Variants in SND1 observed in about 807,000 individuals in gnomAD.
SND1 encodes staphylococcal nuclease domain-containing protein 1.
SND1 carries 38 observed loss-of-function variants against 121.7 expected under a neutral mutation model. The ratio of observed to expected loss-of-function variants is 0.31; its 90% CI spans 0.24 to 0.41. The LOEUF is 0.41. Ranked by LOEUF, SND1 falls within the 10% of genes least tolerant of loss-of-function variation. SND1 has a pLI of 1.00. For missense variants in SND1, 868 were observed against 1,184.6 expected (o/e 0.73, Z 3.92); for synonymous variants, 401 against 447.4 (o/e 0.90, Z 1.31).
intron 1 of SND1, among the ~76,000 whole-genome samples, chr7:127,674,178 C>T (rs1189974222): frequency 6.6e-6 from 1 of 152,086 alleles, no homozygotes; most frequent in Non-Finnish European, 1.5e-5. Flanking sequence ...ACTTGCATTT[C>T]TGCATTCCGT....
chr7:127,779,242 A>T (rs1451199009), intron 10 of SND1, among the ~76,000 whole-genome samples: 1 of 152,164 alleles, frequency 6.6e-6, no homozygotes, highest in Non-Finnish European at 1.5e-5. Context: ...TGGTTGTTGG[A>T]GTCATTTAAA....
At chr7:127,691,215 T>TA (rs113347729) in intron 2 of SND1, among the ~76,000 whole-genome samples, 21 of 148,838 alleles carry the variant, frequency 1.4e-4, no homozygotes, top group Admixed American at 4.0e-4. Context: ...CCTATTGAAA[T>TA]AAAAAAAAAA....
chr7:127,762,729 T>C (rs778923387), intron 10 of SND1, among the ~76,000 whole-genome samples: 5 of 152,374 alleles, frequency 3.3e-5, no homozygotes, highest in Non-Finnish European at 5.9e-5. Flanking sequence ...CTGACTGTTA[T>C]GGGTCTCAGA....
At chr7:127,743,613 A>C (rs1796923831) in intron 10 of SND1, among the ~76,000 whole-genome samples, 1 of 152,144 alleles carries the variant, frequency 6.6e-6, no homozygotes, top group South Asian at 2.1e-4. Context: ...TGTGTTTTAA[A>C]GTGATTGGAT....
At chr7:127,711,023 T>C (rs1328857255) in intron 9 of SND1, among the ~76,000 whole-genome samples, 1 of 152,216 alleles carries the variant, frequency 6.6e-6, no homozygotes, top group Non-Finnish European at 1.5e-5. Context: ...TTATTTTAAT[T>C]CAGCCTCCAA....
intron 16 of SND1, among the ~76,000 whole-genome samples, chr7:128,061,535 C>A (rs984936293): frequency 2.0e-5 from 3 of 152,206 alleles, no homozygotes; most frequent in African/African-American, 7.2e-5. Context: ...CTCATTGTGA[C>A]CTATACGTTT....
At chr7:127,859,028 A>G (rs1799333333) in intron 12 of SND1, among the ~76,000 whole-genome samples, 1 of 152,168 alleles carries the variant, frequency 6.6e-6, no homozygotes, top group African/African-American at 2.4e-5. Flanking sequence ...GGACCTTTCT[A>G]GACCTCATTG....
intron 10 of SND1, among the ~76,000 whole-genome samples, chr7:127,723,842 A>G (rs547552108): frequency 6.6e-6 from 1 of 152,386 alleles, no homozygotes; most frequent in Non-Finnish European, 1.5e-5. Flanking sequence ...TGTAATTTTT[A>G]AATTTGACTT....
intron 7 of SND1, among the ~76,000 whole-genome samples, chr7:127,704,453 G>A (rs555388992): frequency 2.6e-5 from 4 of 152,308 alleles, no homozygotes; most frequent in African/African-American, 7.2e-5. Context: ...CTTATGAAAG[G>A]GGGAGGAAGT....
chr7:127,725,113 G>A (rs1796559481), intron 10 of SND1, among the ~76,000 whole-genome samples: 1 of 152,172 alleles, frequency 6.6e-6, no homozygotes, highest in African/African-American at 2.4e-5. Context: ...TACAATATGG[G>A]TGTGGTAAGA....
chr7:128,064,561 A>G (rs1793282030), intron 16 of SND1, among the ~76,000 whole-genome samples: 2 of 152,224 alleles, frequency 1.3e-5, no homozygotes, highest in African/African-American at 4.8e-5. Context: ...GTGGAAGAAC[A>G]GGTTTCATAG....
At chr7:127,683,024 A>G (rs1795753824) in intron 1 of SND1, among the ~76,000 whole-genome samples, 1 of 152,094 alleles carries the variant, frequency 6.6e-6, no homozygotes, top group African/African-American at 2.4e-5. Flanking sequence ...CATTTAAAGT[A>G]TTTTTCCCCC....
At chr7:127,779,468 A>G (rs1285505687) in intron 10 of SND1, among the ~76,000 whole-genome samples, 1 of 152,196 alleles carries the variant, frequency 6.6e-6, no homozygotes, top group Non-Finnish European at 1.5e-5. Context: ...TTTAAAAAGG[A>G]TCTCATTTCG....
At chr7:127,807,377 C>A (rs550528642) in intron 10 of SND1, 107 bp from the exon 11 acceptor site, 1 of 787,110 alleles carries the variant, frequency 1.3e-6, no homozygotes, top group Non-Finnish European at 2.1e-6. Flanking sequence ...TTAATATTTG[C>A]GATACTAAGA....
chr7:127,856,042 C>T lies in SND1; in HGVS notation c.1343+11618C>T, dbSNP rs531116115. On this transcript the variant is annotated intron_variant, in intron 12 of 23. Coordinates refer to ENST00000354725, the MANE Select transcript of SND1 (RefSeq NM_014390.4). ...CACATCACTTTTTCAGTTTTCATGA[C>T]GGCAATTGCATTCATTTTCCCCCTA... Among the ~76,000 whole-genome samples the T allele has an allele frequency of 1.9e-4, 29 of 152,238 alleles. 1 individual carries two copies. Among genetic ancestry groups the T allele is most frequent in the South Asian group, 8.3e-4 (4 of 4,816 alleles).
chr7:127,961,731 T>C (rs1801735311), intron 15 of SND1, among the ~76,000 whole-genome samples: 1 of 152,208 alleles, frequency 6.6e-6, no homozygotes, highest in African/African-American at 2.4e-5. Flanking sequence ...CAAGCTTTTC[T>C]ACCATTTCCT....
chr7:127,936,785 A>C (rs1403038882), intron 15 of SND1, among the ~76,000 whole-genome samples: 1 of 152,172 alleles, frequency 6.6e-6, no homozygotes, highest in Admixed American at 6.5e-5. Flanking sequence ...GGCCTCAAGC[A>C]GTCCTCTTGC....
intron 15 of SND1, among the ~76,000 whole-genome samples, chr7:127,952,305 T>A (rs1801479349): frequency 6.6e-6 from 1 of 152,240 alleles, no homozygotes; most frequent in Non-Finnish European, 1.5e-5. Context: ...ATTTTTGTTT[T>A]GTAGTCATAT....
chr7:127,928,543 A>G (rs1800896064), intron 14 of SND1, among the ~76,000 whole-genome samples: 1 of 151,190 alleles, frequency 6.6e-6, no homozygotes, highest in Non-Finnish European at 1.5e-5. Flanking sequence ...TAAAGGTTAA[A>G]TGGAAGGTTA....
Sources: gnomAD v4.1 joint callset for allele counts (sites outside exome capture counted in the v4.1 genomes callset) on GRCh38, gnomAD v4.1.1 for gene constraint, MANE v1.5 for transcripts, NCBI Gene and HGNC (gene_info 2026-07-23, HGNC 2026-07-21) for gene names.